The following URI1 variants were observed in gnomAD, a reference collection of about 807,000 sequenced individuals.
URI1 encodes URI1 prefoldin like chaperone.
In URI1, 39 loss-of-function variants were observed where a neutral mutation model predicts 60.2. The ratio of observed to expected loss-of-function variants is 0.65; its 90% confidence interval spans 0.50 to 0.85. The LOEUF (loss-of-function observed/expected upper bound fraction) is 0.85, where lower values mean the gene tolerates loss of function less well. Ranked by LOEUF, URI1 falls within the 40% of genes least tolerant of loss-of-function variation. URI1 has a pLI of 0.00. For missense variants in URI1, 691 were observed against 665.9 expected, an observed-to-expected ratio of 1.04 and a Z score of -0.42; for synonymous variants, 251 against 236.8, an observed-to-expected ratio of 1.06 and a Z score of -0.55.
intron 8 of URI1, 73 bp from the exon 9 acceptor site, chr19:30,011,021 G>C: frequency 6.7e-7 from 1 of 1,493,650 alleles, no homozygotes. Context: ...TTTAGTTATA[G>C]AGTTTATTTG....
chr19:29,945,860 G>T (rs150167753), intron 1 of URI1, among the ~76,000 whole-genome samples: 1 of 150,808 alleles, frequency 6.6e-6, no homozygotes, highest in Admixed American at 6.6e-5. Context: ...AATTGGATGG[G>T]ATTTTTTTTT....
At chr19:29,961,208 A>G in intron 1 of URI1, among the ~76,000 whole-genome samples, 1 of 148,684 alleles carries the variant, frequency 6.7e-6, no homozygotes, top group East Asian at 2.0e-4. Context: ...GGGTATATTC[A>G]CGTTGTTGAT....
chr19:30,000,935 A>G (rs565690460), intron 4 of URI1, among the ~76,000 whole-genome samples: 7 of 151,530 alleles, frequency 4.6e-5, no homozygotes, highest in Admixed American at 1.3e-4. Flanking sequence ...TAAATCATGT[A>G]TTGACTTTAA....
At chr19:30,012,648 CTAAT>C (rs1005205127) in intron 10 of URI1, 117 bp downstream of exon 10, 9 of 1,281,554 alleles carry the variant, frequency 7.0e-6, no homozygotes, top group Middle Eastern at 2.5e-4. Flanking sequence ...TTTCTTGGTA[CTAAT>C]TAATAAAAAA....
At position 29,969,304 on chromosome 19, in the gene URI1, C is replaced by T. The variant is rs919641588; in HGVS notation, c.118-1889C>T. Among the ~76,000 whole-genome samples, 25 of 152,066 alleles carry T rather than the reference C, an allele frequency of 1.6e-4. 1 individual carries two copies. The highest frequency in any genetic ancestry group is 2.6e-4 in the Admixed American group (4 of 15,256). On this transcript the variant is annotated intron_variant, in intron 1 of 10. Coordinates refer to ENST00000392271, the MANE Select transcript of URI1 (RefSeq NM_003796.3). Reference sequence around the variant, plus strand: ...GTAAAAGGAACAGGGCAAGAATGGCCGGAACGAAGTGGAGGGTAGACTATG... The same window carrying T: ...GTAAAAGGAACAGGGCAAGAATGGCTGGAACGAAGTGGAGGGTAGACTATG...
chr19:29,982,829 T>C (rs566701683), intron 2 of URI1, among the ~76,000 whole-genome samples: 2 of 152,254 alleles, frequency 1.3e-5, no homozygotes, highest in African/African-American at 2.4e-5. Context: ...TTTTGAGTTT[T>C]GGAACCAAAA....
chr19:29,995,567 C>G (rs1463767859), intron 4 of URI1, among the ~76,000 whole-genome samples: 2 of 149,966 alleles, frequency 1.3e-5, no homozygotes, highest in African/African-American at 2.4e-5. Flanking sequence ...AAAAAAATAG[C>G]TGCCAGGTAG....
chr19:29,951,115 C>A (rs1013877150), intron 1 of URI1, among the ~76,000 whole-genome samples: 1 of 152,144 alleles, frequency 6.6e-6, no homozygotes, highest in Non-Finnish European at 1.5e-5. Flanking sequence ...CACACATACA[C>A]GCGTGATTAC....
At chr19:29,955,500 C>T (rs557774644) in intron 1 of URI1, among the ~76,000 whole-genome samples, 1 of 152,120 alleles carries the variant, frequency 6.6e-6, no homozygotes, top group South Asian at 2.1e-4. Flanking sequence ...TATTTATAAC[C>T]ACCCTCTCAA....
chr19:29,989,429 T>C (rs1258305420), intron 4 of URI1, among the ~76,000 whole-genome samples: 3 of 150,294 alleles, frequency 2.0e-5, no homozygotes, highest in Non-Finnish European at 4.4e-5. Flanking sequence ...ATATATTTTC[T>C]TTCTTTTTTT....
chr19:29,927,058 G>T (rs910205334), intron 1 of URI1, among the ~76,000 whole-genome samples: 1 of 152,172 alleles, frequency 6.6e-6, no homozygotes, highest in African/African-American at 2.4e-5. Context: ...GACAGCCTGG[G>T]GTGGGAGATG....
In URI1 at chr19:29,997,596, CTCTT is replaced by C. The variant is rs376217933; in HGVS notation, c.368-7759_368-7756del. On this transcript the variant is annotated intron_variant, in intron 4 of 10. Coordinates refer to ENST00000392271, the MANE Select transcript of URI1 (RefSeq NM_003796.3). ...TTCTGTTAGCTTTGGGTTCAGTTTA[CTCTT>C]TCTTTTTTTTCCAGTTTCTTAAAGT... Among the ~76,000 whole-genome samples the C allele has an allele frequency of 1.2e-3, 181 of 151,972 alleles. 2 individuals are homozygous for C. The highest frequency in any genetic ancestry group is 4.2e-3 in the African/African-American group (174 of 41,470).
At chr19:29,988,944 T>C (rs187917474) in intron 4 of URI1, among the ~76,000 whole-genome samples, 2 of 152,270 alleles carry the variant, frequency 1.3e-5, no homozygotes, top group Non-Finnish European at 2.9e-5. Context: ...CAGCCCTCAA[T>C]ATTGTCAGTT....
At chr19:29,998,239 G>C (rs943634270) in intron 4 of URI1, among the ~76,000 whole-genome samples, 3 of 151,898 alleles carry the variant, frequency 2.0e-5, no homozygotes, top group African/African-American at 7.3e-5. Flanking sequence ...GACTTATTTT[G>C]TGGCCTCTCA....
intron 4 of URI1, among the ~76,000 whole-genome samples, chr19:29,993,837 T>C (rs2055776564): frequency 6.6e-6 from 1 of 152,152 alleles, no homozygotes; most frequent in Non-Finnish European, 1.5e-5. Flanking sequence ...TTCTGTGCAT[T>C]TACAGCCATA....
At chr19:30,014,119 G>A (rs934133993) in intron 10 of URI1, 2 of 150,354 alleles carry the variant, frequency 1.3e-5, no homozygotes, top group African/African-American at 4.9e-5. Context: ...ACCTATTTTT[G>A]TATAAAACGA....
intron 4 of URI1, among the ~76,000 whole-genome samples, chr19:29,991,104 C>T (rs2055740757): frequency 6.6e-6 from 1 of 152,212 alleles, no homozygotes; most frequent in East Asian, 1.9e-4. Context: ...TTTGCCTTTC[C>T]ATATACATTT....
chr19:29,947,489 A>G (rs1475331375), intron 1 of URI1, among the ~76,000 whole-genome samples: 1 of 152,140 alleles, frequency 6.6e-6, no homozygotes, highest in Non-Finnish European at 1.5e-5. Context: ...CTAGCAGTGG[A>G]CAGAAGTTCT....
intron 1 of URI1, among the ~76,000 whole-genome samples, chr19:29,967,752 A>G (rs1453532617): frequency 1.3e-5 from 2 of 152,150 alleles, no homozygotes; most frequent in African/African-American, 2.4e-5. Context: ...GCACTTTAGG[A>G]TTAGATAGAA....
Sources: allele counts gnomAD v4.1 joint callset (sites outside exome capture counted in the v4.1 genomes callset), GRCh38; gene constraint gnomAD v4.1.1; transcripts MANE v1.5; gene names NCBI Gene and HGNC (gene_info 2026-07-23, HGNC 2026-07-21).